The following TANC2 variants were observed in gnomAD, a reference collection of about 807,000 sequenced individuals.
TANC2 encodes the protein tetratricopeptide repeat, ankyrin repeat and coiled-coil containing 2, also known as protein TANC2.
Under a neutral mutation model 210.5 loss-of-function variants are expected in TANC2, and 26 were observed. That is an observed-to-expected ratio of 0.12 (90% CI 0.09 to 0.17). The LOEUF (loss-of-function observed/expected upper bound fraction) is 0.17, where lower values mean the gene tolerates loss of function less well. Ranked by LOEUF, TANC2 falls within the 10% of genes least tolerant of loss-of-function variation. TANC2 has a pLI of 1.00. For synonymous variants in TANC2, 931 were observed against 967.1 expected (o/e 0.96, Z 0.69); for missense variants, 2,129 against 2,608.9 (o/e 0.82, Z 4.01).
intron 5 of TANC2, chr17:63,151,697 A>G (rs1179892818): frequency 6.6e-6 from 1 of 152,196 alleles, no homozygotes; most frequent in East Asian, 1.9e-4. Flanking sequence ...TGCTGTGGCC[A>G]TGTGCAAACA....
chr17:63,171,884 T>C (rs1479629041), intron 5 of TANC2, among the ~76,000 whole-genome samples: 1 of 152,246 alleles, frequency 6.6e-6, no homozygotes, highest in Non-Finnish European at 1.5e-5. Context: ...TAGTTTCTTT[T>C]ACATGTCTTA....
chr17:63,322,798 C>A (rs1352400624), intron 11 of TANC2, among the ~76,000 whole-genome samples: 2 of 152,188 alleles, frequency 1.3e-5, no homozygotes, highest in Non-Finnish European at 2.9e-5. Context: ...TTTCTCTCAT[C>A]AAGAGAAGTC....
chr17:63,408,534 T>A (rs2048590132), intron 21 of TANC2, among the ~76,000 whole-genome samples: 1 of 152,246 alleles, frequency 6.6e-6, no homozygotes, highest in African/African-American at 2.4e-5. Flanking sequence ...AATTTATAGA[T>A]GTTGCATCTG....
chr17:63,180,116 A>G (rs1174155944), intron 5 of TANC2, among the ~76,000 whole-genome samples: 1 of 152,142 alleles, frequency 6.6e-6, no homozygotes, highest in African/African-American at 2.4e-5. Context: ...CTGGGTTGAC[A>G]AAGTGAGACC....
intron 14 of TANC2, among the ~76,000 whole-genome samples, chr17:63,368,274 C>T (rs1237061626): frequency 6.6e-6 from 1 of 152,128 alleles, no homozygotes; most frequent in Non-Finnish European, 1.5e-5. Context: ...GAAGAACAGG[C>T]TTATGGGGAG....
chr17:62,998,607 T>C (rs1445487292), intron 1 of TANC2, among the ~76,000 whole-genome samples: 2 of 152,206 alleles, frequency 1.3e-5, no homozygotes, highest in African/African-American at 4.8e-5. Flanking sequence ...TTCAGCATTC[T>C]TAAAGAAAAG....
intron 2 of TANC2, among the ~76,000 whole-genome samples, chr17:63,073,077 A>G (rs554161322): frequency 6.6e-6 from 1 of 152,264 alleles, no homozygotes; most frequent in South Asian, 2.1e-4. Flanking sequence ...AGAACGAACA[A>G]AGGAAATTGT....
At chr17:63,415,172 G>A (rs1273839444) in intron 25 of TANC2, among the ~76,000 whole-genome samples, 1 of 152,230 alleles carries the variant, frequency 6.6e-6, no homozygotes. Context: ...AGTGCTTGGG[G>A]TTAGGAAGTC....
chr17:62,971,087 T>A (rs1296549643), intron 1 of TANC2, among the ~76,000 whole-genome samples: 1 of 152,164 alleles, frequency 6.6e-6, no homozygotes, highest in Non-Finnish European at 1.5e-5. Context: ...TTAGACTTCG[T>A]TGTAATACCG....
At chr17:63,385,246 G>A (rs1236373419) in intron 15 of TANC2, among the ~76,000 whole-genome samples, 1 of 152,142 alleles carries the variant, frequency 6.6e-6, no homozygotes, top group African/African-American at 2.4e-5. Flanking sequence ...TCCTCTGTTA[G>A]ACTATGGATA....
intron 1 of TANC2, among the ~76,000 whole-genome samples, chr17:62,988,390 G>A (rs924006855): frequency 1.1e-4 from 16 of 149,994 alleles, no homozygotes; most frequent in African/African-American, 3.5e-4. Flanking sequence ...TGCTGACCTC[G>A]GCTTCCCGAA....
At chr17:63,078,001 CA>C (rs1441750847) in intron 3 of TANC2, among the ~76,000 whole-genome samples, 1 of 152,086 alleles carries the variant, frequency 6.6e-6, no homozygotes, top group African/African-American at 2.4e-5. Context: ...GTTTTAATAT[CA>C]GAATAATGCT....
intron 9 of TANC2, among the ~76,000 whole-genome samples, chr17:63,307,078 G>A (rs2907465): frequency 0.3 from 45,728 of 152,110 alleles, 7,048 homozygotes; most frequent in African/African-American, 0.36. Flanking sequence ...GACTGAGGGG[G>A]AAGTGATGTG....
At chr17:63,091,916 G>T (rs1196888123) in intron 3 of TANC2, among the ~76,000 whole-genome samples, 1 of 152,116 alleles carries the variant, frequency 6.6e-6, no homozygotes, top group Non-Finnish European at 1.5e-5. Context: ...TCTCCTTGAA[G>T]AGCTCCTTCA....
chr17:63,308,053 C>T (rs993420480), intron 9 of TANC2, among the ~76,000 whole-genome samples: 12 of 152,144 alleles, frequency 7.9e-5, no homozygotes, highest in African/African-American at 2.7e-4. Flanking sequence ...GGGTGAGCCA[C>T]GGTGCCCAGC....
intron 2 of TANC2, among the ~76,000 whole-genome samples, chr17:63,068,295 A>G (rs1360721878): frequency 6.6e-6 from 1 of 152,224 alleles, no homozygotes; most frequent in Non-Finnish European, 1.5e-5. Flanking sequence ...GCAGAAATGA[A>G]AAAAACCTGA....
At chr17:63,410,307 A>G (rs1280399233) in intron 21 of TANC2, among the ~76,000 whole-genome samples, 1 of 151,004 alleles carries the variant, frequency 6.6e-6, no homozygotes, top group Non-Finnish European at 1.5e-5. Flanking sequence ...TTCTAAGTGA[A>G]TTTTGTGTCT....
chr17:62,985,698 T>C lies in TANC2; in HGVS notation c.-24+18949T>C, dbSNP rs537627318. Reference sequence around the variant, plus strand: ...TTTCATTCATTGAATTCTTCATCCATAGAATTTGTATTTGGTTCTGTCTTA... The same window carrying C: ...TTTCATTCATTGAATTCTTCATCCACAGAATTTGTATTTGGTTCTGTCTTA... On this transcript the variant is annotated intron_variant, in intron 1 of 27. Coordinates refer to ENST00000689528, the Ensembl canonical transcript of TANC2. 7.9e-4 allele frequency among the ~76,000 whole-genome samples: 121 copies of C among 152,264 alleles called. No individual in the cohort carries two copies. In the Middle Eastern group the frequency reaches 0.017, roughly 21 times the overall value.
At chr17:63,052,376 T>C (rs1207616129) in intron 2 of TANC2, among the ~76,000 whole-genome samples, 3 of 152,186 alleles carry the variant, frequency 2.0e-5, no homozygotes, top group Non-Finnish European at 4.4e-5. Flanking sequence ...CACGTACATA[T>C]TGGCTATAAT....
Sources: allele counts gnomAD v4.1 joint callset (sites outside exome capture counted in the v4.1 genomes callset), GRCh38; gene constraint gnomAD v4.1.1; transcripts MANE v1.5; gene names NCBI Gene and HGNC (gene_info 2026-07-23, HGNC 2026-07-21).